Variants in ASB15 observed in about 807,000 individuals in gnomAD.
The protein encoded by ASB15 is ankyrin repeat and SOCS box protein 15.
ASB15 carries 54 observed loss-of-function variants against 58.0 expected under a neutral mutation model. That is an observed-to-expected ratio of 0.93 (90% CI 0.75 to 1.17). ASB15 has a LOEUF of 1.17. ASB15 is among the 50% of genes most tolerant of loss of function. The probability of loss-of-function intolerance (pLI) is 0.00; values close to 1 mark genes in which losing one functional copy is unlikely to be tolerated. For synonymous variants in ASB15, 249 were observed against 262.4 expected, an observed-to-expected ratio of 0.95 and a Z score of 0.50; for missense variants, 680 against 707.4, an observed-to-expected ratio of 0.96 and a Z score of 0.44.
At chr7:123,567,778 C>T (rs2116250604) in intron 1 of ASB15, among the ~76,000 whole-genome samples, 1 of 151,928 alleles carries the variant, frequency 6.6e-6, no homozygotes, top group African/African-American at 2.4e-5. Flanking sequence ...GAAAATAACC[C>T]AGAATCAGAA....
intron 3 of ASB15, 89 bp from the exon 4 acceptor site, chr7:123,614,412 T>A: frequency 1.3e-6 from 1 of 767,548 alleles, no homozygotes; most frequent in East Asian, 2.7e-5. Flanking sequence ...ATTTTAGTTT[T>A]TCACTATGCA....
intron 1 of ASB15, among the ~76,000 whole-genome samples, chr7:123,568,772 A>G (rs1234864373): frequency 6.6e-6 from 1 of 152,156 alleles, no homozygotes; most frequent in African/African-American, 2.4e-5. Flanking sequence ...GAATATACAA[A>G]TCAACAAAAT....
At position 123,637,482 on chromosome 7, in the gene ASB15, A is replaced by T. The variant is rs1461488457; in HGVS notation, c.*501A>T. On this transcript the variant is annotated 3_prime_UTR_variant, in exon 12 of 12. Coordinates refer to ENST00000451215, the MANE Select transcript of ASB15 (RefSeq NM_001290258.2). ...CATTCTTCAGTCCCTCTTCCAATCGATTCCTACAGCATCTAACATTGTTGC... is the reference window on the plus strand; with the variant it reads ...CATTCTTCAGTCCCTCTTCCAATCGTTTCCTACAGCATCTAACATTGTTGC... 1 of 152,990 alleles carries T rather than the reference A, an allele frequency of 6.5e-6. No homozygotes were observed. The highest frequency in any genetic ancestry group is 1.5e-5 in the Non-Finnish European group (1 of 68,526). The allele number at this position is 152,990 out of a possible 1,614,324, so 9.5% of individuals were successfully genotyped here.
At chr7:123,578,883 C>A (rs918289789) in intron 1 of ASB15, among the ~76,000 whole-genome samples, 2 of 152,044 alleles carry the variant, frequency 1.3e-5, no homozygotes, top group African/African-American at 4.8e-5. Context: ...AAACCTATGA[C>A]AATGTAATTT....
At chr7:123,596,453 A>C (rs1052971961) in intron 1 of ASB15, 11 of 149,512 alleles carry the variant, frequency 7.4e-5, no homozygotes, top group African/African-American at 2.5e-4. Flanking sequence ...AAAAGAAATA[A>C]AAAAAAAAAT....
At chr7:123,569,852 G>C (rs1480066060) in intron 1 of ASB15, among the ~76,000 whole-genome samples, 8 of 152,146 alleles carry the variant, frequency 5.3e-5, no homozygotes, top group African/African-American at 1.9e-4. Flanking sequence ...ACAAAAAAGA[G>C]GAAGCAGAAG....
Position 123,636,902 on chromosome 7 carries a change from T to A in ASB15, c.1688T>A (p.Leu563His). The change falls in exon 12 of 12, where the codon CTT (leucine) becomes CAT (histidine). Residue 563 changes from leucine to histidine, a missense_variant. Leu to His is a moderately conservative substitution (Grantham distance 99). Transcript: ENST00000451215. Reference protein sequence around the residue: ...KLCQPASVEKLPLPPAIQRYI... With the variant: ...KLCQPASVEKHPLPPAIQRYI... ...TGCCAGCCAGCCTCAGTGGAGAAGC[T>A]TCCTCTACCACCAGCTATTCAAAGA... The A allele has an allele frequency of 6.3e-7, 1 of 1,597,298 alleles. No individual in the cohort carries two copies. Among genetic ancestry groups the A allele is most frequent in the Non-Finnish European group, 8.6e-7 (1 of 1,165,066 alleles).
In ASB15 at chr7:123,576,148, C is replaced by A. The variant is rs185118280; in HGVS notation, c.-443+9060C>A. ...TTTCAATTTTATTTTATTTTATTTT[C>A]TTATTTTCATCTTCTATATTTTTTA... On this transcript the variant is annotated intron_variant, in intron 1 of 13. Coordinates refer to the ASB15 transcript ENST00000451558. 3.5e-4 allele frequency among the ~76,000 whole-genome samples: 53 copies of A among 150,402 alleles called. No homozygotes were observed. The East Asian group carries it at 9.5e-3, about 27-fold the overall frequency.
chr7:123,613,546 T>C (rs1398519794), intron 3 of ASB15, among the ~76,000 whole-genome samples: 1 of 152,180 alleles, frequency 6.6e-6, no homozygotes. Flanking sequence ...TGAAGACTAA[T>C]CTACATTTTT....
chr7:123,577,730 CA>C (rs1799104032), intron 1 of ASB15, among the ~76,000 whole-genome samples: 1 of 152,022 alleles, frequency 6.6e-6, no homozygotes, highest in Admixed American at 6.6e-5. Context: ...GTTATGCAAA[CA>C]GTTTTAAATC....
At position 123,616,487 on chromosome 7, in the gene ASB15, T is replaced by C; in HGVS notation, c.284T>C (p.Val95Ala). The C allele has an allele frequency of 6.2e-7, 1 of 1,612,366 alleles. No homozygotes were observed. The highest frequency in any genetic ancestry group is 2.2e-5 in the East Asian group (1 of 44,810). ...VQPIQQILEI[V>A]LDASYKTLWE... ...CCCATTCAACAAATACTTGAGATTG[T>C]TCTGGATGGTAAGAGAACATAAAAC... Residue 95 changes from valine to alanine, a missense_variant, in exon 6 of 12, where the codon GTT (valine) becomes GCT (alanine). Transcript: ENST00000451215.
At chr7:123,617,250 CA>C (rs34900171) in intron 6 of ASB15, among the ~76,000 whole-genome samples, 2,571 of 151,996 alleles carry the variant, frequency 0.017, 75 homozygotes, top group African/African-American at 0.059. Context: ...TTTCATTTCA[CA>C]AAAAAACAAT....
upstream of ASB15, among the ~76,000 whole-genome samples, chr7:123,601,298 A>T (rs1013146007): frequency 1.3e-5 from 2 of 152,314 alleles, no homozygotes; most frequent in African/African-American, 4.8e-5. Context: ...TATATGCTCA[A>T]TAACTTGACC....
Position 123,629,074 on chromosome 7 carries a change from T to G in ASB15, c.1080T>G (p.Asn360Lys). The G allele has an allele frequency of 6.2e-7, 1 of 1,613,710 alleles. No individual in the cohort carries two copies. Among genetic ancestry groups the G allele is most frequent in the Non-Finnish European group, 8.5e-7 (1 of 1,179,698 alleles). Residue 360 changes from asparagine (N) to lysine (K), a missense_variant, in exon 10 of 12, where the codon AAT becomes AAG. Physicochemically the swap from Asn to Lys is moderately conservative, Grantham distance 94 (BLOSUM62 0). Transcript: ENST00000451215. ...RKTALYFGVSNNDVHCTEVLL... is the reference protein window; with the variant it reads ...RKTALYFGVSKNDVHCTEVLL... ...CTGCGCTGTATTTTGGCGTTTCTAA[T>G]AATGACGTTCATTGCACAGAAGTCC...
Position 123,623,925 on chromosome 7 carries a change from A to AG in ASB15, c.452-643dup, listed in dbSNP as rs1183216137. ...ATGGAAGGAAGGAAGGAAGGAAGAAAGAAAGAAAAGAAAGAAAGAAAGAAA... is the reference window on the plus strand; with the variant it reads ...ATGGAAGGAAGGAAGGAAGGAAGAAAGGAAAGAAAAGAAAGAAAGAAAGAAA... On this transcript the variant is annotated intron_variant, in intron 7 of 11. Transcript: ENST00000451215. 7.0e-3 allele frequency among the ~76,000 whole-genome samples: 740 copies of AG among 105,398 alleles called. 15 individuals carry two copies. The highest frequency in any genetic ancestry group is 0.017 in the Admixed American group (152 of 9,180). 69.1% of individuals were successfully genotyped at this position (105,398 alleles called of 152,430 possible).
Position 123,629,439 on chromosome 7 carries a change from G to A in ASB15, c.1440+5G>A, listed in dbSNP as rs368938159. 8 of 1,589,040 alleles carry A rather than the reference G, an allele frequency of 5.0e-6. No individual in the cohort carries two copies. Among genetic ancestry groups the A allele is most frequent in the Non-Finnish European group, 6.9e-6 (8 of 1,167,612 alleles). On this transcript the variant is annotated splice_donor_5th_base_variant and intron_variant, in intron 10 of 11. Transcript: ENST00000451215. ...TGTGTAATAAAAGATAACCCGGTGAGTTATGCCTTTTCTGCTTTATATTGA... is the reference window on the plus strand; with the variant it reads ...TGTGTAATAAAAGATAACCCGGTGAATTATGCCTTTTCTGCTTTATATTGA...
Position 123,629,442 on chromosome 7 carries a change from A to G in ASB15, c.1440+8A>G. The G allele has an allele frequency of 6.3e-7, 1 of 1,583,422 alleles. No individual in the cohort carries two copies. Among genetic ancestry groups the G allele is most frequent in the Non-Finnish European group, 8.6e-7 (1 of 1,163,520 alleles). ...GTAATAAAAGATAACCCGGTGAGTT[A>G]TGCCTTTTCTGCTTTATATTGAGTT... On this transcript the variant is annotated splice_region_variant and intron_variant, in intron 10 of 11. Coordinates refer to ENST00000451215, the MANE Select transcript of ASB15 (RefSeq NM_001290258.2).
At chr7:123,576,085 T>C (rs1452000796) in intron 1 of ASB15, among the ~76,000 whole-genome samples, 1 of 151,294 alleles carries the variant, frequency 6.6e-6, no homozygotes, top group African/African-American at 2.4e-5. Context: ...TATATAGATA[T>C]ATAGGAATAT....
intron 1 of ASB15, among the ~76,000 whole-genome samples, chr7:123,592,813 C>G (rs1799578304): frequency 6.6e-6 from 1 of 151,610 alleles, no homozygotes; most frequent in South Asian, 2.1e-4. Context: ...GAATTCAAGT[C>G]CTGGATATCC....
Sources: gnomAD v4.1 joint callset for allele counts (sites outside exome capture counted in the v4.1 genomes callset) on GRCh38, gnomAD v4.1.1 for gene constraint, MANE v1.5 for transcripts, NCBI Gene and HGNC (gene_info 2026-07-23, HGNC 2026-07-21) for gene names.